The following PSCA variants were observed in gnomAD, a reference collection of about 807,000 sequenced individuals.
PSCA encodes the protein prostate stem cell antigen.
PSCA carries 7 observed loss-of-function variants against 7.9 expected under a neutral mutation model. That is an observed-to-expected ratio of 0.89 (90% CI 0.51 to 1.67). The LOEUF (loss-of-function observed/expected upper bound fraction) is 1.67, where lower values mean the gene tolerates loss of function less well. Ranked by LOEUF, PSCA falls within the 40% of genes most tolerant of loss-of-function variation. The pLI is 0.00. For missense variants in PSCA, 151 were observed against 147.9 expected (o/e 1.02, Z -0.11); for synonymous variants, 61 against 68.3 (o/e 0.89, Z 0.53).
upstream of PSCA, among the ~76,000 whole-genome samples, chr8:142,678,477 C>T (rs1439303936): frequency 2.0e-5 from 3 of 152,234 alleles, no homozygotes; most frequent in African/African-American, 7.2e-5. Context: ...GCAGCGGCCA[C>T]AAGTCCCCCT....
chr8:142,672,113 G>A (rs78169764), intron 1 of PSCA, among the ~76,000 whole-genome samples: 2,978 of 152,236 alleles, frequency 0.02, 45 homozygotes, highest in Non-Finnish European at 0.028. Flanking sequence ...TGATCCTCCA[G>A]CCCAGCCTTG....
upstream of PSCA, among the ~76,000 whole-genome samples, chr8:142,678,865 T>C (rs1472411422): frequency 6.6e-6 from 1 of 150,478 alleles, no homozygotes; most frequent in African/African-American, 2.5e-5. Context: ...AGGCCTGTAC[T>C]AGAGGACCAT....
chr8:142,681,005 A>C, intron 1 of PSCA: 1 of 458,606 alleles, frequency 2.2e-6, no homozygotes. Flanking sequence ...CCAGCACTGC[A>C]GCTTCCAAGG....
At chr8:142,678,153 G>T (rs782219399), upstream of PSCA, among the ~76,000 whole-genome samples, 1 of 152,140 alleles carries the variant, frequency 6.6e-6, no homozygotes, top group South Asian at 2.1e-4. Flanking sequence ...CTGGGAGAGG[G>T]TCCGATTCCC....
chr8:142,671,586 C>G (rs1266877142), intron 1 of PSCA, among the ~76,000 whole-genome samples: 2 of 152,178 alleles, frequency 1.3e-5, no homozygotes, highest in Non-Finnish European at 2.9e-5. Context: ...TAGGGTCTCA[C>G]TCTGTTGCCC....
chr8:142,681,560 A>G, intron 2 of PSCA, 126 bp downstream of exon 2: 1 of 781,548 alleles, frequency 1.3e-6, no homozygotes, highest in Non-Finnish European at 2.1e-6. Context: ...CCGCACCTGC[A>G]CCCCCAACAA....
At chr8:142,671,324 A>G (rs973739192) in intron 1 of PSCA, among the ~76,000 whole-genome samples, 1 of 152,194 alleles carries the variant, frequency 6.6e-6, no homozygotes, top group South Asian at 2.1e-4. Context: ...GCCAAGGACT[A>G]TGAGCGGCTT....
chr8:142,679,299 G>T (rs1338583996), upstream of PSCA, among the ~76,000 whole-genome samples: 1 of 152,246 alleles, frequency 6.6e-6, no homozygotes, highest in African/African-American at 2.4e-5. Flanking sequence ...AGCTGAGGGG[G>T]TCACTCAAGG....
At chr8:142,681,471 CTGCCACTGAACTATTAATCTT>C (rs1349216648) in intron 2 of PSCA, 37 bp downstream of exon 2, 1 of 1,518,958 alleles carries the variant, frequency 6.6e-7, no homozygotes, top group African/African-American at 1.4e-5. Flanking sequence ...GCCTAGGTCT[CTGCCACTGAACTATTAATCTT>C]TCTGGCCATC....
intron 1 of PSCA, 41 bp downstream of exon 1, chr8:142,680,604 G>A (rs1847451050): frequency 6.4e-6 from 10 of 1,552,500 alleles, no homozygotes; most frequent in Non-Finnish European, 8.7e-6. Context: ...GGGAGCAGGG[G>A]TGAGCCGGGG....
At position 142,682,474 on chromosome 8, in the gene PSCA, A is replaced by G. The variant is rs368560175; in HGVS notation, c.*342A>G. ...GCCTTCCCTGCCCACCCCATCTATGACTTGAGCCAGGTCTGGTCCGTGGTG... is the reference window on the plus strand; with the variant it reads ...GCCTTCCCTGCCCACCCCATCTATGGCTTGAGCCAGGTCTGGTCCGTGGTG... On this transcript the variant is annotated 3_prime_UTR_variant, in exon 3 of 3. Coordinates refer to ENST00000301258, the MANE Select transcript of PSCA (RefSeq NM_005672.5). 1.7e-6 allele frequency: 1 copy of G among 579,120 alleles called. No individual in the cohort carries two copies. Among genetic ancestry groups the G allele is most frequent in the African/African-American group, 1.8e-5 (1 of 54,456 alleles). The allele number at this position is 579,120 out of a possible 1,614,324, so 35.9% of individuals were successfully genotyped here.
At chr8:142,675,048 G>C (rs1847383531) in intron 1 of PSCA, among the ~76,000 whole-genome samples, 2 of 152,258 alleles carry the variant, frequency 1.3e-5, no homozygotes, top group African/African-American at 4.8e-5. Context: ...GGTGCCGGAG[G>C]CCTCAGGTTG....
chr8:142,679,896 CTG>C (rs1287902039), upstream of PSCA: 2 of 152,350 alleles, frequency 1.3e-5, no homozygotes, highest in African/African-American at 4.8e-5. Flanking sequence ...CAACCCTTTG[CTG>C]TCATGGCCTG....
chr8:142,681,082 C>G (rs1211146938), intron 1 of PSCA: 4 of 519,542 alleles, frequency 7.7e-6, no homozygotes, highest in Non-Finnish European at 1.4e-5. Context: ...CAGTCACCCC[C>G]ACAGCCGCAG....
Position 142,682,450 on chromosome 8 carries a change from C to T in PSCA, c.*318C>T. ...CTCAGGCACCTCTTCCCCCAGGAAG[C>T]CTTCCCTGCCCACCCCATCTATGAC... On this transcript the variant is annotated 3_prime_UTR_variant, in exon 3 of 3. Coordinates refer to ENST00000301258, the MANE Select transcript of PSCA (RefSeq NM_005672.5). The T allele has an allele frequency of 1.6e-6, 1 of 625,158 alleles. No individual in the cohort carries two copies. Among genetic ancestry groups the T allele is most frequent in the Non-Finnish European group, 3.0e-6 (1 of 334,946 alleles). The allele number at this position is 625,158 out of a possible 1,614,324, so 38.7% of individuals were successfully genotyped here.
Position 142,681,901 on chromosome 8 carries a change from C to G in PSCA, c.134-20C>G. On this transcript the variant is annotated intron_variant, in intron 2 of 2. Coordinates refer to ENST00000301258, the MANE Select transcript of PSCA (RefSeq NM_005672.5). ...TGAGCACACAGGGCAGCCCCATCCC[C>G]GGATCCCGCTGCTCCCCAGGCGCAG... The G allele has an allele frequency of 6.6e-7, 1 of 1,505,442 alleles. No individual in the cohort carries two copies. The highest frequency in any genetic ancestry group is 8.9e-7 in the Non-Finnish European group (1 of 1,118,266). 93.3% of individuals were successfully genotyped at this position (1,505,442 alleles called of 1,614,324 possible).
At chr8:142,677,686 T>C (rs1554637938), upstream of PSCA, among the ~76,000 whole-genome samples, 1 of 151,854 alleles carries the variant, frequency 6.6e-6, no homozygotes, top group Non-Finnish European at 1.5e-5. Flanking sequence ...ATGAGGCCCC[T>C]TGTCCTGAGC....
chr8:142,682,347 G>T lies in PSCA; in HGVS notation c.*215G>T, dbSNP rs782821083. ...CCGGCAGATCGGCTCTATTGACACA[G>T]ATCCGCCTGCAGATGGCCCCTCCAA... is the stretch of plus-strand genomic sequence containing the variant. On this transcript the variant is annotated 3_prime_UTR_variant, in exon 3 of 3. Transcript: ENST00000301258. The T allele has an allele frequency of 4.2e-6, 3 of 710,576 alleles. No individual in the cohort carries two copies. The highest frequency in any genetic ancestry group is 7.6e-6 in the Non-Finnish European group (3 of 393,682). 44.0% of individuals were successfully genotyped at this position (710,576 alleles called of 1,614,324 possible). A position where few individuals can be genotyped will look rare whatever the true frequency, so the allele number is the denominator to read the frequency against.
At chr8:142,680,347 G>A (rs1349331047), upstream of PSCA, 5 of 629,280 alleles carry the variant, frequency 7.9e-6, no homozygotes, top group Admixed American at 2.6e-5. Context: ...CAAAGGGAGA[G>A]GGAGGTGCAG....
Sources: allele counts gnomAD v4.1 joint callset (sites outside exome capture counted in the v4.1 genomes callset), GRCh38; gene constraint gnomAD v4.1.1; transcripts MANE v1.5; gene names NCBI Gene and HGNC (gene_info 2026-07-23, HGNC 2026-07-21).